Variants in DGKB observed in about 807,000 individuals in gnomAD.
DGKB encodes the protein diacylglycerol kinase beta, also known as 90 kDa diacylglycerol kinase.
Under a neutral mutation model 114.3 loss-of-function variants are expected in DGKB, and 67 were observed. That is an observed-to-expected ratio of 0.59 (90% CI 0.48 to 0.72). DGKB has a LOEUF of 0.72. Ranked by LOEUF, DGKB falls within the 30% of genes least tolerant of loss-of-function variation. The pLI is 0.00. For synonymous variants in DGKB, 398 were observed against 323.1 expected, an observed-to-expected ratio of 1.23 and a Z score of -2.49; for missense variants, 907 against 975.2, an observed-to-expected ratio of 0.93 and a Z score of 0.93.
chr7:14,179,250 C>G (rs1451757783), intron 23 of DGKB, among the ~76,000 whole-genome samples: 2 of 152,200 alleles, frequency 1.3e-5, no homozygotes, highest in African/African-American at 4.8e-5. Context: ...TGTCCCAAGA[C>G]TCAGTGACAG....
intron 2 of DGKB, among the ~76,000 whole-genome samples, chr7:14,834,356 T>C (rs1486689355): frequency 6.6e-6 from 1 of 152,170 alleles, no homozygotes; most frequent in Non-Finnish European, 1.5e-5. Context: ...ACTCCTGTGA[T>C]AATGGCCAAA....
chr7:14,695,026 C>G (rs1282376573), intron 8 of DGKB, among the ~76,000 whole-genome samples: 2 of 151,910 alleles, frequency 1.3e-5, no homozygotes, highest in East Asian at 1.9e-4. Flanking sequence ...TTATATAATA[C>G]AAAAATGTTA....
chr7:14,703,865 T>C (rs1563962186), intron 6 of DGKB, among the ~76,000 whole-genome samples: 2 of 152,216 alleles, frequency 1.3e-5, no homozygotes, highest in Non-Finnish European at 2.9e-5. Context: ...AACCCGTTTC[T>C]ATGTCTTTCC....
At chr7:14,429,119 C>A (rs1828033410) in intron 21 of DGKB, among the ~76,000 whole-genome samples, 1 of 152,070 alleles carries the variant, frequency 6.6e-6, no homozygotes, top group Non-Finnish European at 1.5e-5. Context: ...AAGGATTAGA[C>A]ATATTTTTGT....
chr7:14,906,886 T>G (rs989311380), upstream of DGKB, among the ~76,000 whole-genome samples: 1 of 152,238 alleles, frequency 6.6e-6, no homozygotes, highest in Admixed American at 6.5e-5. Flanking sequence ...AACAGTTCAA[T>G]AGGATATAGC....
At chr7:14,722,997 CTTTA>C (rs61621101) in intron 5 of DGKB, among the ~76,000 whole-genome samples, 13 of 148,060 alleles carry the variant, frequency 8.8e-5, no homozygotes, top group East Asian at 8.1e-4. Context: ...CTACTCTACC[CTTTA>C]TTTATTTATT....
intron 21 of DGKB, among the ~76,000 whole-genome samples, chr7:14,457,103 A>C (rs1832392729): frequency 6.6e-6 from 1 of 152,182 alleles, no homozygotes; most frequent in Non-Finnish European, 1.5e-5. Context: ...TTGTCAAATA[A>C]AGTCTTCAGT....
At chr7:14,844,549 A>G (rs774785898) in intron 1 of DGKB, among the ~76,000 whole-genome samples, 91 of 152,140 alleles carry the variant, frequency 6.0e-4, no homozygotes, top group Non-Finnish European at 1.0e-3. Context: ...TCACTCTTAC[A>G]TTTCTGAAAT....
chr7:14,927,529 A>C (rs557703348), intron 1 of DGKB, among the ~76,000 whole-genome samples: 1 of 151,830 alleles, frequency 6.6e-6, no homozygotes, highest in African/African-American at 2.4e-5. Context: ...AAAACTATAC[A>C]AAAAAAAGCA....
intron 23 of DGKB, among the ~76,000 whole-genome samples, chr7:14,245,974 G>A (rs1406689856): frequency 1.3e-5 from 2 of 152,102 alleles, no homozygotes; most frequent in African/African-American, 2.4e-5. Flanking sequence ...CTTTCATGAC[G>A]AGAATGTGCT....
At chr7:14,906,662 A>G (rs1455463142), upstream of DGKB, among the ~76,000 whole-genome samples, 10 of 152,058 alleles carry the variant, frequency 6.6e-5, no homozygotes, top group Non-Finnish European at 1.5e-5. Context: ...CATGTTGGTC[A>G]GGCTGGTCTC....
At chr7:14,625,120 TA>T (rs1808341945) in intron 14 of DGKB, among the ~76,000 whole-genome samples, 1 of 152,184 alleles carries the variant, frequency 6.6e-6, no homozygotes, top group Non-Finnish European at 1.5e-5. Flanking sequence ...AGTTAATTTT[TA>T]AATCCTCAGT....
intron 15 of DGKB, among the ~76,000 whole-genome samples, chr7:14,618,468 A>C (rs1228676790): frequency 6.6e-6 from 1 of 151,694 alleles, no homozygotes; most frequent in Non-Finnish European, 1.5e-5. Flanking sequence ...TAACTTCAAC[A>C]TAAACACAGT....
At chr7:14,225,067 T>C (rs372037166) in intron 23 of DGKB, among the ~76,000 whole-genome samples, 7 of 152,040 alleles carry the variant, frequency 4.6e-5, no homozygotes, top group African/African-American at 1.7e-4. Flanking sequence ...TTCCAAAGAA[T>C]CCACCAATCT....
intron 20 of DGKB, among the ~76,000 whole-genome samples, chr7:14,526,888 A>G (rs1027849515): frequency 3.9e-5 from 6 of 152,106 alleles, no homozygotes; most frequent in African/African-American, 7.2e-5. Flanking sequence ...ACCATTTTCC[A>G]TCAAATCTTC....
At chr7:14,576,090 A>G (rs1048248368) in intron 19 of DGKB, among the ~76,000 whole-genome samples, 2 of 152,188 alleles carry the variant, frequency 1.3e-5, no homozygotes, top group African/African-American at 4.8e-5. Flanking sequence ...ACGATTACAT[A>G]AACATTGAAA....
chr7:14,909,964 T>C (rs977464004), intron 1 of DGKB, among the ~76,000 whole-genome samples: 4 of 151,996 alleles, frequency 2.6e-5, no homozygotes, highest in Non-Finnish European at 1.5e-5. Flanking sequence ...CCCAGCACCT[T>C]GAGAGGCCGA....
At chr7:14,617,239 C>T (rs1419659105) in intron 15 of DGKB, among the ~76,000 whole-genome samples, 1 of 151,646 alleles carries the variant, frequency 6.6e-6, no homozygotes, top group Non-Finnish European at 1.5e-5. Flanking sequence ...GGATATCTAA[C>T]AGCAGCAGAA....
chr7:14,322,547 T>G (rs569591187), intron 23 of DGKB, among the ~76,000 whole-genome samples: 1 of 152,238 alleles, frequency 6.6e-6, no homozygotes, highest in Admixed American at 6.5e-5. Flanking sequence ...ATAGCAGATG[T>G]TCAAAATTAT....
Sources: allele counts gnomAD v4.1 joint callset (sites outside exome capture counted in the v4.1 genomes callset), GRCh38; gene constraint gnomAD v4.1.1; transcripts MANE v1.5; gene names NCBI Gene and HGNC (gene_info 2026-07-23, HGNC 2026-07-21).